PRPF8: variants seen among roughly 807,000 people sequenced by gnomAD.
PRPF8 encodes pre-mRNA-processing-splicing factor 8.
Under a neutral mutation model 285.9 loss-of-function variants are expected in PRPF8, and 64 were observed. The observed-to-expected ratio is 0.22, with a 90% CI of 0.18 to 0.28. The LOEUF (loss-of-function observed/expected upper bound fraction) is 0.28. Ranked by LOEUF, PRPF8 falls within the 10% of genes least tolerant of loss-of-function variation. The pLI, the probability that PRPF8 is intolerant of heterozygous loss-of-function variation, is 1.00. For synonymous variants in PRPF8, 1,325 were observed against 1,118.2 expected (o/e 1.18, Z -3.69); for missense variants, 1,426 against 3,026.7 (o/e 0.47, Z 12.41).
intron 36 of PRPF8, 26 bp downstream of exon 36, chr17:1,656,366 C>T (rs772995973): frequency 1.4e-5 from 23 of 1,613,974 alleles, no homozygotes; most frequent in Non-Finnish European, 1.9e-5. Context: ...CCTCCTCCAG[C>T]GATCTTCTCT....
At chr17:1,681,370 G>A (rs931609302) in intron 6 of PRPF8, 108 bp downstream of exon 6, 8 of 1,249,748 alleles carry the variant, frequency 6.4e-6, no homozygotes, top group Admixed American at 1.7e-5. Flanking sequence ...GTGAGCCACT[G>A]CACCTGGTGT....
intron 37 of PRPF8, 108 bp from the exon 38 acceptor site, chr17:1,654,124 CCAGA>C (rs1209641901): frequency 1.3e-6 from 2 of 1,514,596 alleles, no homozygotes; most frequent in African/African-American, 2.7e-5. Flanking sequence ...TACTCACGCC[CCAGA>C]CAATCCACAA....
At position 1,657,574 on chromosome 17, in the gene PRPF8, A is replaced by G. The variant is rs1413734038; in HGVS notation, c.5505+679T>C. Among the ~76,000 whole-genome samples the G allele has an allele frequency of 2.1e-5, 3 of 142,364 alleles. No homozygotes were observed. In the Admixed American group the frequency reaches 2.2e-4, roughly 10 times the overall value. 93.4% of individuals were successfully genotyped at this position (142,364 alleles called of 152,430 possible). On this transcript the variant is annotated intron_variant, in intron 34 of 42. Transcript: ENST00000304992. ...GGCAGGAGAATGGCGTGAACCTGGG[A>G]GGCGGAGCTTGCAGTGAGCTGAAAT...
intron 24 of PRPF8, among the ~76,000 whole-genome samples, chr17:1,666,202 C>T (rs1911976502): frequency 6.6e-6 from 1 of 151,392 alleles, no homozygotes; most frequent in Non-Finnish European, 1.5e-5. Flanking sequence ...AATTGATAAT[C>T]TAACCTTTTA....
At chr17:1,681,220 A>G (rs1912905209) in intron 6 of PRPF8, among the ~76,000 whole-genome samples, 166 bp from the exon 7 acceptor site, 1 of 152,104 alleles carries the variant, frequency 6.6e-6, no homozygotes, top group African/African-American at 2.4e-5. Flanking sequence ...AACTGAGACT[A>G]CACGAAGCTG....
intron 39 of PRPF8, among the ~76,000 whole-genome samples, chr17:1,652,556 T>G (rs1373254444): frequency 6.6e-6 from 1 of 152,118 alleles, no homozygotes; most frequent in African/African-American, 2.4e-5. Context: ...GCATCTTTTC[T>G]CTTTTTTGAA....
intron 11 of PRPF8, 65 bp from the exon 12 acceptor site, chr17:1,678,946 C>T: frequency 1.2e-6 from 2 of 1,613,714 alleles, no homozygotes; most frequent in Non-Finnish European, 1.7e-6. Flanking sequence ...TGTATGCCTT[C>T]ATCAGTAACC....
At position 1,675,105 on chromosome 17, in the gene PRPF8, G is replaced by T; in HGVS notation, c.3060+47C>A. ...CAGCAAATTCTGAGTCAGTGGGCCA[G>T]ACAAGCACTCCACACACAATTCCAT... is the stretch of plus-strand genomic sequence containing the variant. On this transcript the variant is annotated intron_variant, in intron 20 of 42. Coordinates refer to ENST00000304992, the MANE Select transcript of PRPF8 (RefSeq NM_006445.4). This position sits in a 1 kb window ranked among gnomAD's most constrained non-coding sequence, Gnocchi z 6.0. 1.9e-6 allele frequency: 3 copies of T among 1,607,960 alleles called. No individual in the cohort carries two copies. The highest frequency in any genetic ancestry group is 2.5e-6 in the Non-Finnish European group (3 of 1,176,802).
rs1015723532 is a variant in PRPF8, at chr17:1,654,185, C to T, written c.5988-169G>A. ...TGAAACGGAGGTGCACTAACACTTC[C>T]AAGATTCGTCAGATCCAAGCGGGAC... On this transcript the variant is annotated intron_variant, in intron 37 of 42. Coordinates refer to ENST00000304992, the MANE Select transcript of PRPF8 (RefSeq NM_006445.4). 1.1e-5 allele frequency: 10 copies of T among 951,214 alleles called. No homozygotes were observed. In the African/African-American group the frequency reaches 1.6e-4, roughly 15 times the overall value. The allele number at this position is 951,214 out of a possible 1,614,324, so 58.9% of individuals were successfully genotyped here.
chr17:1,660,213 C>A lies in PRPF8; in HGVS notation c.4786-212G>T, dbSNP rs527614560. ...GACTCTGTACAGCACCCTCTCCCCG[C>A]GATTCCACCTAAGCTGACTCTGTAC... On this transcript the variant is annotated intron_variant, in intron 30 of 42. Coordinates refer to ENST00000304992, the MANE Select transcript of PRPF8 (RefSeq NM_006445.4). Among the ~76,000 whole-genome samples the A allele has an allele frequency of 2.7e-5, 4 of 150,718 alleles. No individual in the cohort carries two copies. The South Asian group carries it at 8.3e-4, about 31-fold the overall frequency.
At position 1,650,964 on chromosome 17, in the gene PRPF8, G is replaced by A; in HGVS notation, c.6854-8C>T. On this transcript the variant is annotated splice_region_variant and splice_polypyrimidine_tract_variant and intron_variant, in intron 42 of 42. Transcript: ENST00000304992. Reference sequence around the variant, plus strand: ...TGGGGTCATGCCGAACACCTTCGGGGAGAAGGAAACAGCCAATGTTAACAG... The same window carrying A: ...TGGGGTCATGCCGAACACCTTCGGGAAGAAGGAAACAGCCAATGTTAACAG... 6.2e-7 allele frequency: 1 copy of A among 1,614,200 alleles called. No homozygotes were observed. Among genetic ancestry groups the A allele is most frequent in the Non-Finnish European group, 8.5e-7 (1 of 1,180,038 alleles).
intron 3 of PRPF8, 35 bp from the exon 4 acceptor site, chr17:1,682,328 T>C (rs147307860): frequency 0.01 from 16,462 of 1,606,920 alleles, 95 homozygotes; most frequent in Non-Finnish European, 0.012. Context: ...CTATCAGAAA[T>C]GACGAGGTGT....
chr17:1,672,428 G>C (rs1912377819), intron 24 of PRPF8, among the ~76,000 whole-genome samples: 1 of 152,120 alleles, frequency 6.6e-6, no homozygotes, highest in Non-Finnish European at 1.5e-5. Context: ...TACAGGCGCC[G>C]GCCACCAGGC....
chr17:1,672,997 C>T, intron 24 of PRPF8, 84 bp downstream of exon 24: 1 of 1,269,248 alleles, frequency 7.9e-7, no homozygotes, highest in Non-Finnish European at 1.2e-6. Flanking sequence ...AGGAAGCAGC[C>T]AGCAGGGGAC....
rs755193337 is a variant in PRPF8, at chr17:1,673,413, G to A, written c.3601C>T (p.Arg1201Cys). ...GFECRILPKC[R>C]TSYEEFTHKD... is the part of the protein sequence containing the mutation. ...TGGGTGAACTCCTCATAGCTGGTGC[G>A]GCACTTAGGCAGGATGCGGCACTCG... The change falls in exon 23 of 43, where the codon CGC (arginine) becomes TGC (cysteine). Residue 1201 changes from arginine to cysteine, a missense_variant. Coordinates refer to ENST00000304992, the MANE Select transcript of PRPF8 (RefSeq NM_006445.4). The surrounding 1 kb of genome is among the most constrained non-coding windows in gnomAD (Gnocchi z 5.5). 1.2e-6 allele frequency: 2 copies of A among 1,614,092 alleles called. No homozygotes were observed. Among genetic ancestry groups the A allele is most frequent in the Non-Finnish European group, 1.7e-6 (2 of 1,180,016 alleles).
chr17:1,684,823 T>A lies in PRPF8; in HGVS notation c.-55A>T, dbSNP rs542802793. The A allele has an allele frequency of 8.9e-5, 53 of 597,590 alleles. No homozygotes were observed. In the South Asian group the frequency reaches 9.2e-4, roughly 10 times the overall value. 37.0% of individuals were successfully genotyped at this position (597,590 alleles called of 1,614,324 possible). A position where few individuals can be genotyped will look rare whatever the true frequency, so the allele number is the denominator to read the frequency against. On this transcript the variant is annotated 5_prime_UTR_variant, in exon 1 of 43. Transcript: ENST00000304992. The stretch of plus-strand genomic sequence containing the variant: ...AGAGGCCGCTTTCCCCGCAGCGCAA[T>A]GGCGGCCAGACTGCGTCCGCTCCGC...
chr17:1,663,602 G>C (rs1006264427), intron 24 of PRPF8, among the ~76,000 whole-genome samples: 12 of 151,010 alleles, frequency 7.9e-5, no homozygotes, highest in Non-Finnish European at 1.5e-4. Flanking sequence ...TCAGTTTCTT[G>C]GGAGGCTGAG....
At chr17:1,662,196 G>A (rs767340588) in intron 24 of PRPF8, 43 bp from the exon 25 acceptor site, 11 of 1,611,902 alleles carry the variant, frequency 6.8e-6, no homozygotes, top group African/African-American at 2.7e-5. Flanking sequence ...ATGAGCCAGG[G>A]GCGGGGAGGG....
At position 1,660,710 on chromosome 17, in the gene PRPF8, A is replaced by G; in HGVS notation, c.4626T>C (p.Ile1542=). The G allele has an allele frequency of 6.2e-7, 1 of 1,614,126 alleles. No homozygotes were observed. The highest frequency in any genetic ancestry group is 8.5e-7 in the Non-Finnish European group (1 of 1,180,034). The part of the protein sequence containing the change: ...RRFTLWWSPT[I]NRANVYVGFQ... ...CAATCACACTCACATTGGCTCGATT[A>G]ATGGTCGGGGACCACCAGAGGGTGA... Residue 1542 remains isoleucine (I), a synonymous_variant, in exon 29 of 43, where the codon ATT becomes ATC. Coordinates refer to ENST00000304992, the MANE Select transcript of PRPF8 (RefSeq NM_006445.4).
Sources: allele counts gnomAD v4.1 joint callset (sites outside exome capture counted in the v4.1 genomes callset), GRCh38; gene constraint gnomAD v4.1.1; non-coding constraint Gnocchi (gnomAD v3.1); transcripts MANE v1.5; gene names NCBI Gene and HGNC (gene_info 2026-07-23, HGNC 2026-07-21).